Variants in NEBL observed in about 807,000 individuals in gnomAD.
NEBL encodes nebulette, also known as LIM and SH3 protein 2.
In NEBL, 122 loss-of-function variants were observed where a neutral mutation model predicts 140.2. The ratio of observed to expected loss-of-function variants is 0.87; its 90% confidence interval spans 0.75 to 1.01. NEBL has a LOEUF of 1.01. Ranked by LOEUF, NEBL falls within the 50% of genes least tolerant of loss-of-function variation. NEBL has a pLI of 0.00. For synonymous variants in NEBL, 436 were observed against 398.9 expected (o/e 1.09, Z -1.11); for missense variants, 1,365 against 1,231.3 (o/e 1.11, Z -1.62).
chr10:20,922,641 C>T (rs543446793), intron 4 of NEBL, among the ~76,000 whole-genome samples: 1 of 152,328 alleles, frequency 6.6e-6, no homozygotes, highest in Non-Finnish European at 1.5e-5. Flanking sequence ...GACGTGCTAA[C>T]GCAATGTAGG....
intron 3 of NEBL, among the ~76,000 whole-genome samples, chr10:20,992,485 C>T (rs1467221084): frequency 6.6e-6 from 1 of 152,136 alleles, no homozygotes; most frequent in East Asian, 1.9e-4. Context: ...GGCTCCTGGG[C>T]TCAAGGGTGG....
intron 3 of NEBL, among the ~76,000 whole-genome samples, chr10:21,205,093 GC>G (rs1433544618): frequency 6.6e-6 from 1 of 152,126 alleles, no homozygotes; most frequent in Non-Finnish European, 1.5e-5. Context: ...TTGCATCTAG[GC>G]ATGAAAACAA....
intron 2 of NEBL, among the ~76,000 whole-genome samples, chr10:21,042,337 G>C (rs1047257952): frequency 7.2e-5 from 11 of 152,216 alleles, no homozygotes; most frequent in Non-Finnish European, 1.5e-4. Flanking sequence ...TCTACCAGCA[G>C]TGGGCTAGAG....
At chr10:20,989,496 T>C (rs984181689) in intron 3 of NEBL, among the ~76,000 whole-genome samples, 1 of 152,202 alleles carries the variant, frequency 6.6e-6, no homozygotes. Context: ...AAAATGTTTT[T>C]TTAGAATGCA....
chr10:21,250,003 G>T (rs1842566989), intron 2 of NEBL, among the ~76,000 whole-genome samples: 1 of 152,124 alleles, frequency 6.6e-6, no homozygotes, highest in African/African-American at 2.4e-5. Context: ...GGCAGAGGTT[G>T]CAATGAGCCA....
upstream of NEBL, among the ~76,000 whole-genome samples, chr10:20,898,389 A>C (rs1847672703): frequency 6.6e-6 from 1 of 152,122 alleles, no homozygotes; most frequent in Non-Finnish European, 1.5e-5. Context: ...TGTCATTCTA[A>C]GTAGCCAAGC....
At chr10:20,937,560 T>C (rs1834561221) in intron 4 of NEBL, among the ~76,000 whole-genome samples, 1 of 151,982 alleles carries the variant, frequency 6.6e-6, no homozygotes, top group Admixed American at 6.6e-5. Context: ...GGGGACTGGG[T>C]TCATCTCACT....
At chr10:21,214,378 AGAGG>A (rs146276886) in intron 3 of NEBL, among the ~76,000 whole-genome samples, 2,499 of 152,252 alleles carry the variant, frequency 0.016, 76 homozygotes, top group African/African-American at 0.056. Flanking sequence ...AAAAAGGAAG[AGAGG>A]GAGGAAGGAA....
At chr10:21,028,998 C>A (rs1589151756) in intron 2 of NEBL, 2 of 633,322 alleles carry the variant, frequency 3.2e-6, no homozygotes. Flanking sequence ...CCGCTCCCAA[C>A]ATGGCGGCCT....
At chr10:21,235,975 T>A (rs928406688) in intron 3 of NEBL, among the ~76,000 whole-genome samples, 1 of 152,160 alleles carries the variant, frequency 6.6e-6, no homozygotes, top group African/African-American at 2.4e-5. Flanking sequence ...AAATGATATG[T>A]TGCACAGTCT....
At chr10:21,216,219 AT>A (rs753341227) in intron 3 of NEBL, among the ~76,000 whole-genome samples, 1 of 152,142 alleles carries the variant, frequency 6.6e-6, no homozygotes, top group Non-Finnish European at 1.5e-5. Flanking sequence ...CTCTCACTAA[AT>A]ATACACCCCC....
chr10:21,162,487 C>T (rs187257783), intron 2 of NEBL, among the ~76,000 whole-genome samples: 58 of 152,316 alleles, frequency 3.8e-4, no homozygotes, highest in Non-Finnish European at 5.0e-4. Context: ...GCTAACTCCA[C>T]ATGGTTGGCA....
chr10:20,823,730 C>T (rs112874134), intron 18 of NEBL, among the ~76,000 whole-genome samples: 3 of 152,040 alleles, frequency 2.0e-5, no homozygotes, highest in Middle Eastern at 3.4e-3. Context: ...GGGAGCACTG[C>T]TTGTCTGACT....
At chr10:21,028,575 G>A (rs7898342) in intron 2 of NEBL, among the ~76,000 whole-genome samples, 84,364 of 151,958 alleles carry the variant, frequency 0.56, 23,568 homozygotes, top group East Asian at 0.71. Context: ...GGGCATATGA[G>A]AATTAAAGTA....
At chr10:21,115,380 G>C (rs1441861436) in intron 2 of NEBL, among the ~76,000 whole-genome samples, 2 of 151,908 alleles carry the variant, frequency 1.3e-5, no homozygotes, top group Non-Finnish European at 2.9e-5. Context: ...TTTCCATCTG[G>C]TATCATTTTC....
chr10:21,048,922 A>G (rs894911982), intron 2 of NEBL, among the ~76,000 whole-genome samples: 2 of 152,146 alleles, frequency 1.3e-5, no homozygotes, highest in Non-Finnish European at 2.9e-5. Flanking sequence ...GGCAGGGAGA[A>G]TTGCTTGAAC....
intron 11 of NEBL, among the ~76,000 whole-genome samples, chr10:20,849,157 A>G (rs948099610): frequency 6.6e-6 from 1 of 152,168 alleles, no homozygotes; most frequent in African/African-American, 2.4e-5. Context: ...AAACTTTGAT[A>G]TAGGCTGCAG....
intron 2 of NEBL, among the ~76,000 whole-genome samples, chr10:21,099,221 G>C (rs1318913001): frequency 3.3e-5 from 5 of 152,170 alleles, no homozygotes; most frequent in African/African-American, 7.2e-5. Context: ...AACCTACTGA[G>C]TAAATTATTA....
In NEBL at chr10:20,829,846, T is replaced by C. The variant is rs1001752861; in HGVS notation, c.1672-1212A>G. Among the ~76,000 whole-genome samples, 8 of 152,304 alleles carry C rather than the reference T, an allele frequency of 5.3e-5. No homozygotes were observed. In the South Asian group the frequency reaches 1.0e-3, roughly 20 times the overall value. On this transcript the variant is annotated intron_variant, in intron 16 of 27. Transcript: ENST00000377122. The stretch of plus-strand genomic sequence containing the variant: ...TTGTAATACTATATTTACATGATTA[T>C]TAGATTTATCTGTAGCTTTCCAAGA...
Sources: allele counts gnomAD v4.1 joint callset (sites outside exome capture counted in the v4.1 genomes callset), GRCh38; gene constraint gnomAD v4.1.1; transcripts MANE v1.5; gene names NCBI Gene and HGNC (gene_info 2026-07-23, HGNC 2026-07-21).